Variants in SLC44A1 observed in about 807,000 individuals in gnomAD.
SLC44A1 encodes choline transporter-like protein 1.
A neutral mutation model predicts 79.3 loss-of-function variants in SLC44A1; 26 were observed. That is an observed-to-expected ratio of 0.33 (90% CI 0.24 to 0.46). The LOEUF (loss-of-function observed/expected upper bound fraction) is 0.46. SLC44A1 is among the 20% of genes least tolerant of loss of function. The pLI is 1.00. For missense variants in SLC44A1, 688 were observed against 798.1 expected (o/e 0.86, Z 1.66); for synonymous variants, 263 against 286.2 (o/e 0.92, Z 0.82).
At chr9:105,386,827 A>C (rs1394680301) in intron 15 of SLC44A1, 1 of 145,588 alleles carries the variant, frequency 6.9e-6, no homozygotes, top group Non-Finnish European at 1.5e-5. Context: ...GTTTGAGACC[A>C]GCCTGGGCAA....
chr9:105,351,642 GAAAGAA>G (rs1827443312), intron 5 of SLC44A1, among the ~76,000 whole-genome samples: 2 of 145,702 alleles, frequency 1.4e-5, no homozygotes, highest in African/African-American at 2.6e-5. Context: ...GAGAAAGAAA[GAAAGAA>G]AGAAAGAAAG....
rs770666396 is a variant in SLC44A1 at position 105,395,087 on chromosome 9, G to A, written c.*6031G>A. On this transcript the variant is annotated 3_prime_UTR_variant, in exon 16 of 16. Transcript: ENST00000374720. ...TGATCCCAGTGGCTCATGACTTATA[G>A]TCAGGCATCAAACCATTTCCTACTT... The A allele has an allele frequency of 8.8e-5, 87 of 985,336 alleles. No individual in the cohort carries two copies. Among genetic ancestry groups the A allele is most frequent in the Middle Eastern group, 5.2e-4 (1 of 1,936 alleles). 61.0% of individuals were successfully genotyped at this position (985,336 alleles called of 1,614,324 possible).
At chr9:105,432,223 G>C (rs1829407233) in intron 15 of SLC44A1, among the ~76,000 whole-genome samples, 1 of 152,050 alleles carries the variant, frequency 6.6e-6, no homozygotes, top group Non-Finnish European at 1.5e-5. Flanking sequence ...CATCTGGCCT[G>C]AAGTTACCAT....
intron 5 of SLC44A1, among the ~76,000 whole-genome samples, chr9:105,355,306 A>AC (rs1564455065): frequency 6.6e-6 from 1 of 152,244 alleles, no homozygotes; most frequent in African/African-American, 2.4e-5. Flanking sequence ...GTCACAGTTT[A>AC]CACATAGCTC....
chr9:105,350,958 C>A (rs1209404802), intron 5 of SLC44A1, among the ~76,000 whole-genome samples: 1 of 152,122 alleles, frequency 6.6e-6, no homozygotes, highest in East Asian at 1.9e-4. Flanking sequence ...AGATGATTAC[C>A]ATTCCTAAAA....
chr9:105,374,327 GT>G (rs2131442311), intron 12 of SLC44A1, among the ~76,000 whole-genome samples: 1 of 152,320 alleles, frequency 6.6e-6, no homozygotes, highest in South Asian at 2.1e-4. Context: ...CAGGGAAGAA[GT>G]TAAGGGGTGT....
chr9:105,359,025 C>G (rs925661955), intron 7 of SLC44A1, among the ~76,000 whole-genome samples: 1 of 152,142 alleles, frequency 6.6e-6, no homozygotes, highest in Non-Finnish European at 1.5e-5. Context: ...CTGCTCCCTC[C>G]CACTTTTCGC....
intron 4 of SLC44A1, among the ~76,000 whole-genome samples, chr9:105,343,772 T>G (rs1827170282): frequency 6.6e-6 from 1 of 152,196 alleles, no homozygotes; most frequent in Non-Finnish European, 1.5e-5. Flanking sequence ...TCCCCACATT[T>G]AAGGAGTTTG....
At chr9:105,256,740 A>ATTTTT (rs1829715927) in intron 1 of SLC44A1, among the ~76,000 whole-genome samples, 1 of 107,870 alleles carries the variant, frequency 9.3e-6, no homozygotes. Flanking sequence ...TTTTTGTATT[A>ATTTTT]TTTTTATTTT....
At position 105,392,736 on chromosome 9, in the gene SLC44A1, TCTC is replaced by T. The variant is rs1828794255; in HGVS notation, c.*3683_*3685del. The T allele has an allele frequency of 5.1e-6, 5 of 985,208 alleles. No homozygotes were observed. The Admixed American group carries it at 2.5e-4, about 48-fold the overall frequency. The allele number at this position is 985,208 out of a possible 1,614,324, so 61.0% of individuals were successfully genotyped here. A position where few individuals can be genotyped will look rare whatever the true frequency, so the allele number is the denominator to read the frequency against. On this transcript the variant is annotated 3_prime_UTR_variant, in exon 16 of 16. Coordinates refer to ENST00000374720, the MANE Select transcript of SLC44A1 (RefSeq NM_080546.5). The stretch of plus-strand genomic sequence containing the variant: ...AGCTACTAACAGCCATTTTAAGAGA[TCTC>T]CTAGCCTGCAAGGTAGAATTCTGGG...
At chr9:105,311,963 C>T (rs1479296765) in intron 3 of SLC44A1, among the ~76,000 whole-genome samples, 1 of 152,044 alleles carries the variant, frequency 6.6e-6, no homozygotes, top group Non-Finnish European at 1.5e-5. Context: ...CACTTATTTC[C>T]TCGTACTTCT....
In SLC44A1 at chr9:105,275,066, A is replaced by T. The variant is rs546290845; in HGVS notation, c.37-24154A>T. Reference sequence around the variant, plus strand: ...TATAAAACAGTTCAATAGTATTATGATTTCAAATTTAATTTGAAGTCAGTT... The same window carrying T: ...TATAAAACAGTTCAATAGTATTATGTTTTCAAATTTAATTTGAAGTCAGTT... On this transcript the variant is annotated intron_variant, in intron 1 of 15. Transcript: ENST00000374720. 2.0e-5 allele frequency among the ~76,000 whole-genome samples: 3 copies of T among 152,372 alleles called. No homozygotes were observed. In the South Asian group the frequency reaches 6.2e-4, roughly 32 times the overall value.
chr9:105,252,906 T>C (rs968872149), intron 1 of SLC44A1, among the ~76,000 whole-genome samples: 23 of 152,260 alleles, frequency 1.5e-4, no homozygotes, highest in African/African-American at 5.5e-4. Flanking sequence ...TTAGTAATTT[T>C]TTTGGCAATT....
At chr9:105,428,520 C>T (rs1013647106) in intron 15 of SLC44A1, among the ~76,000 whole-genome samples, 6 of 152,210 alleles carry the variant, frequency 3.9e-5, no homozygotes, top group Admixed American at 2.0e-4. Context: ...CTTTTTGGTC[C>T]TGGGCAAGTT....
At chr9:105,430,301 A>G (rs7870705) in intron 15 of SLC44A1, among the ~76,000 whole-genome samples, 154 of 152,302 alleles carry the variant, frequency 1.0e-3, no homozygotes, top group African/African-American at 3.5e-3. Flanking sequence ...ATATCATAAC[A>G]CTGACCATTT....
In SLC44A1 at chr9:105,317,892, A is replaced by G. The variant is rs138235762; in HGVS notation, c.269+8026A>G. On this transcript the variant is annotated intron_variant, in intron 3 of 15. Coordinates refer to ENST00000374720, the MANE Select transcript of SLC44A1 (RefSeq NM_080546.5). ...CAGTAGATCACCTACTTCTTCCCACACTTAGGGATACGTTTAAACAAATGG... is the reference window on the plus strand; with the variant it reads ...CAGTAGATCACCTACTTCTTCCCACGCTTAGGGATACGTTTAAACAAATGG... Among the ~76,000 whole-genome samples, 1,500 of 152,262 alleles carry G rather than the reference A, an allele frequency of 9.9e-3. 13 individuals carry two copies. The highest frequency in any genetic ancestry group is 0.02 in the Middle Eastern group (6 of 294).
chr9:105,408,248 C>G (rs1400646458), intron 15 of SLC44A1, among the ~76,000 whole-genome samples: 1 of 151,976 alleles, frequency 6.6e-6, no homozygotes, highest in Admixed American at 6.5e-5. Context: ...GTAGACCTGC[C>G]CTATGAGAAA....
intron 15 of SLC44A1, among the ~76,000 whole-genome samples, chr9:105,432,752 AT>A (rs547465333): frequency 2.6e-5 from 4 of 152,326 alleles, no homozygotes; most frequent in East Asian, 3.9e-4. Flanking sequence ...TGCAAGTACT[AT>A]TGCAGCGTTA....
At chr9:105,364,485 CTACT>C (rs1399089204) in intron 9 of SLC44A1, 66 bp from the exon 10 acceptor site, 2 of 1,406,682 alleles carry the variant, frequency 1.4e-6, no homozygotes, top group Non-Finnish European at 2.0e-6. Flanking sequence ...CTATTGCCTT[CTACT>C]TAACTGCCGT....
Sources: gnomAD v4.1 joint callset for allele counts (sites outside exome capture counted in the v4.1 genomes callset) on GRCh38, gnomAD v4.1.1 for gene constraint, MANE v1.5 for transcripts, NCBI Gene and HGNC (gene_info 2026-07-23, HGNC 2026-07-21) for gene names.